MSRB2: variants seen among roughly 807,000 people sequenced by gnomAD.
The protein encoded by MSRB2 is methionine sulfoxide reductase B2.
In MSRB2, 17 loss-of-function variants were observed where a neutral mutation model predicts 19.0. The ratio of observed to expected loss-of-function variants is 0.89; its 90% CI spans 0.61 to 1.34. The LOEUF (loss-of-function observed/expected upper bound fraction) is 1.34. Ranked by LOEUF, MSRB2 falls within the 40% of genes most tolerant of loss-of-function variation. The pLI, the probability that MSRB2 is intolerant of heterozygous loss-of-function variation, is 0.00. For synonymous variants in MSRB2, 107 were observed against 99.7 expected (o/e 1.07, Z -0.44); for missense variants, 208 against 237.6 (o/e 0.88, Z 0.82).
At chr10:23,096,753 G>A (rs1003434364) in intron 1 of MSRB2, among the ~76,000 whole-genome samples, 7 of 152,178 alleles carry the variant, frequency 4.6e-5, no homozygotes, top group African/African-American at 1.7e-4. Context: ...CTAATCACTG[G>A]TGTCTCTAGT....
intron 3 of MSRB2, chr10:23,119,086 G>A (rs1588972413): frequency 1.5e-6 from 1 of 666,598 alleles, no homozygotes; most frequent in Non-Finnish European, 2.8e-6. Flanking sequence ...TAGCATCAAA[G>A]GATCAAGAAG....
intron 4 of MSRB2, 58 bp from the exon 5 acceptor site, chr10:23,120,699 GT>G (rs1840171855): frequency 2.8e-6 from 4 of 1,416,676 alleles, no homozygotes; most frequent in Non-Finnish European, 3.0e-6. Context: ...CGTCTGTCTG[GT>G]TTTACATAAA....
rs1358246750 is a variant in MSRB2 at position 23,121,174 on chromosome 10, A to G, written c.*312A>G. The G allele has an allele frequency of 7.1e-6, 2 of 282,192 alleles. No individual in the cohort carries two copies. Among genetic ancestry groups the G allele is most frequent in the Non-Finnish European group, 1.3e-5 (2 of 150,592 alleles). 17.5% of individuals were successfully genotyped at this position (282,192 alleles called of 1,614,324 possible). A position where few individuals can be genotyped will look rare whatever the true frequency, so the allele number is the denominator to read the frequency against. On this transcript the variant is annotated 3_prime_UTR_variant, in exon 5 of 5. Coordinates refer to ENST00000376510, the MANE Select transcript of MSRB2 (RefSeq NM_012228.4). ...AGACTGAGTAACTTATAAAGAAAAG[A>G]GGTTTAATTGACTCACAGTTCTGCA...
intron 1 of MSRB2, among the ~76,000 whole-genome samples, chr10:23,096,352 C>CTCTCTGTGTGGGTGTGTG (rs144653384): frequency 2.8e-5 from 4 of 142,750 alleles, no homozygotes; most frequent in Non-Finnish European, 4.5e-5. Context: ...CTCTCTCTCT[C>CTCTCTGTGTGGGTGTGTG]TGTGTGTGTG....
At chr10:23,114,692 C>T (rs1285791697) in intron 3 of MSRB2, among the ~76,000 whole-genome samples, 1 of 152,202 alleles carries the variant, frequency 6.6e-6, no homozygotes, top group Admixed American at 6.5e-5. Flanking sequence ...TGCATCGTTT[C>T]GTCAGACCTC....
chr10:23,104,876 A>G (rs559418561), intron 2 of MSRB2, among the ~76,000 whole-genome samples: 18 of 152,142 alleles, frequency 1.2e-4, no homozygotes, highest in African/African-American at 4.1e-4. Flanking sequence ...CCATTCATTC[A>G]GACCTACCTT....
chr10:23,100,758 A>C (rs1839918675), intron 1 of MSRB2, among the ~76,000 whole-genome samples: 1 of 152,190 alleles, frequency 6.6e-6, no homozygotes, highest in Non-Finnish European at 1.5e-5. Context: ...AACACTGAGG[A>C]TTACAATGTC....
At chr10:23,110,960 C>T (rs940786351) in intron 3 of MSRB2, among the ~76,000 whole-genome samples, 1 of 152,142 alleles carries the variant, frequency 6.6e-6, no homozygotes, top group East Asian at 1.9e-4. Flanking sequence ...AGGAAAACAT[C>T]TTTGAAGTCC....
In MSRB2 at chr10:23,104,205, G is replaced by A. The variant is rs576767774; in HGVS notation, c.180G>A (p.Pro60=). 319 of 1,613,844 alleles carry A rather than the reference G, an allele frequency of 2.0e-4. 4 individuals are homozygous for A. The South Asian group carries it at 3.1e-3, about 16-fold the overall frequency. Residue 60 remains proline (P), a synonymous_variant, in exon 2 of 5, where the codon CCG becomes CCA. Transcript: ENST00000376510. ...GTGAGTGGCAAAAGAAACTAACCCC[G>A]GAGCAGTTCTACGTCACAAGAGAAA... ...AKSEWQKKLT[P]EQFYVTREKG...
intron 2 of MSRB2, among the ~76,000 whole-genome samples, chr10:23,108,028 T>C (rs537843003): frequency 5.3e-5 from 8 of 152,030 alleles, no homozygotes; most frequent in East Asian, 1.9e-4. Flanking sequence ...TGGTGCAATC[T>C]TGACCCACTG....
At chr10:23,117,236 C>T (rs1840121200) in intron 3 of MSRB2, among the ~76,000 whole-genome samples, 1 of 152,240 alleles carries the variant, frequency 6.6e-6, no homozygotes, top group Non-Finnish European at 1.5e-5. Flanking sequence ...AGCCCTTCCT[C>T]TAATGGCTAT....
At chr10:23,112,652 G>A (rs184191817) in intron 3 of MSRB2, among the ~76,000 whole-genome samples, 70 of 152,268 alleles carry the variant, frequency 4.6e-4, no homozygotes, top group African/African-American at 1.7e-3. Flanking sequence ...GCAGTGGCGC[G>A]ATCTCGGCTC....
chr10:23,102,707 C>CTA (rs1353860532), intron 1 of MSRB2, among the ~76,000 whole-genome samples: 1 of 152,158 alleles, frequency 6.6e-6, no homozygotes, highest in African/African-American at 2.4e-5. Context: ...GAAGATGTGA[C>CTA]TATCTGTTCC....
At chr10:23,098,217 C>A (rs1231156945) in intron 1 of MSRB2, among the ~76,000 whole-genome samples, 2 of 152,104 alleles carry the variant, frequency 1.3e-5, no homozygotes, top group Non-Finnish European at 2.9e-5. Flanking sequence ...TTAGATTCAA[C>A]ACATTATTTA....
rs566693200 is a variant in MSRB2, at chr10:23,100,904, T to C, written c.119-3240T>C. Among the ~76,000 whole-genome samples, 7 of 152,354 alleles carry C rather than the reference T, an allele frequency of 4.6e-5. No individual in the cohort carries two copies. In the South Asian group the frequency reaches 1.4e-3, roughly 32 times the overall value. On this transcript the variant is annotated intron_variant, in intron 1 of 4. Transcript: ENST00000376510. ...TTGGTAGCCAGAAGGTTTGTGGCTT[T>C]TGATTTTGCAAAAGTGAAATCTGTT...
At chr10:23,116,378 G>C (rs1307492822) in intron 3 of MSRB2, among the ~76,000 whole-genome samples, 2 of 152,114 alleles carry the variant, frequency 1.3e-5, no homozygotes, top group African/African-American at 4.8e-5. Flanking sequence ...ATGCTGAGAG[G>C]GTTGGCTAAA....
In MSRB2 at chr10:23,109,259, A is replaced by T. The variant is rs562400152; in HGVS notation, c.220-983A>T. 9.2e-5 allele frequency among the ~76,000 whole-genome samples: 14 copies of T among 152,296 alleles called. No homozygotes were observed. In the East Asian group the frequency reaches 2.7e-3, roughly 29 times the overall value. ...ATTGGGCAAAAATGGTCTTTAAAAAAAAGTCATCAGCCGGGTGCAGTGGCT... is the reference window on the plus strand; with the variant it reads ...ATTGGGCAAAAATGGTCTTTAAAAATAAGTCATCAGCCGGGTGCAGTGGCT... On this transcript the variant is annotated intron_variant, in intron 2 of 4. Coordinates refer to ENST00000376510, the MANE Select transcript of MSRB2 (RefSeq NM_012228.4).
rs189447854 is a variant in MSRB2 at position 23,104,144 on chromosome 10, G to A, written c.119G>A (p.Gly40Glu). ...PGTGPGLGEA[G>E]SLATCELPLA... ...TTAAAATTCCTGTTTAACAATACAG[G>A]GTCTCTTGCAACGTGTGAGCTGCCT... The change falls in exon 2 of 5, where the codon GGG (glycine) becomes GAG (glutamate). Residue 40 changes from glycine to glutamate, a missense_variant and splice_region_variant. Physicochemically the swap from Gly to Glu is moderately conservative, Grantham distance 98. Coordinates refer to ENST00000376510, the MANE Select transcript of MSRB2 (RefSeq NM_012228.4). 1 of 1,609,062 alleles carries A rather than the reference G, an allele frequency of 6.2e-7. No individual in the cohort carries two copies. Among genetic ancestry groups the A allele is most frequent in the Admixed American group, 1.7e-5 (1 of 58,574 alleles).
intron 2 of MSRB2, 64 bp from the exon 3 acceptor site, chr10:23,110,178 T>G (rs1416330608): frequency 3.9e-6 from 5 of 1,272,448 alleles, no homozygotes; most frequent in South Asian, 3.7e-5. Flanking sequence ...GATTTAAATC[T>G]GCTGTTTCAA....
Sources: allele counts gnomAD v4.1 joint callset (sites outside exome capture counted in the v4.1 genomes callset), GRCh38; gene constraint gnomAD v4.1.1; transcripts MANE v1.5; gene names NCBI Gene and HGNC (gene_info 2026-07-23, HGNC 2026-07-21).